The following ANO6 variants were observed in gnomAD, a reference collection of about 807,000 sequenced individuals.
ANO6 encodes anoctamin-6.
A neutral mutation model predicts 117.5 loss-of-function variants in ANO6; 106 were observed. The ratio of observed to expected loss-of-function variants is 0.90; its 90% CI spans 0.77 to 1.06. The LOEUF (loss-of-function observed/expected upper bound fraction) is 1.06, where lower values mean the gene tolerates loss of function less well. Among genes scored for constraint, ANO6 ranks in the 50% least tolerant of loss-of-function variants. ANO6 has a pLI of 0.00. For missense variants in ANO6, 955 were observed against 1,121.1 expected (o/e 0.85, Z 2.12); for synonymous variants, 367 against 385.1 (o/e 0.95, Z 0.55).
intron 9 of ANO6, among the ~76,000 whole-genome samples, chr12:45,377,562 A>T (rs1942061475): frequency 6.6e-6 from 1 of 152,220 alleles, no homozygotes; most frequent in South Asian, 2.1e-4. Context: ...ACTTCGAGAT[A>T]AACCTCAGCT....
chr12:45,239,320 A>G (rs1246899667), intron 1 of ANO6, among the ~76,000 whole-genome samples: 1 of 152,066 alleles, frequency 6.6e-6, no homozygotes, highest in African/African-American at 2.4e-5. Flanking sequence ...TTTCTAGTTT[A>G]TTTGTGTGGG....
chr12:45,247,220 C>G (rs1419808205), intron 1 of ANO6, among the ~76,000 whole-genome samples: 1 of 152,180 alleles, frequency 6.6e-6, no homozygotes, highest in African/African-American at 2.4e-5. Context: ...AGCCACCATG[C>G]CTGGCAGTTC....
At chr12:45,363,573 A>T (rs1941610562) in intron 8 of ANO6, among the ~76,000 whole-genome samples, 1 of 151,994 alleles carries the variant, frequency 6.6e-6, no homozygotes, top group African/African-American at 2.4e-5. Context: ...CAAAAAAAAA[A>T]AAAAGAAAAA....
downstream of ANO6, among the ~76,000 whole-genome samples, chr12:45,435,149 T>G (rs1430736891): frequency 6.6e-6 from 1 of 152,232 alleles, no homozygotes; most frequent in African/African-American, 2.4e-5. Flanking sequence ...GGATGTCTCC[T>G]CAGAGCTTTT....
chr12:45,257,951 AG>A (rs1416308780), intron 1 of ANO6, among the ~76,000 whole-genome samples: 2 of 152,164 alleles, frequency 1.3e-5, no homozygotes, highest in Admixed American at 1.3e-4. Flanking sequence ...GTTTATTTTT[AG>A]GTTTATCACA....
chr12:45,219,827 A>C (rs1016235650), intron 1 of ANO6, among the ~76,000 whole-genome samples: 4 of 152,192 alleles, frequency 2.6e-5, no homozygotes, highest in Non-Finnish European at 4.4e-5. Context: ...GCAATAGGCC[A>C]CTTATTTCTA....
intron 5 of ANO6, 79 bp downstream of exon 5, chr12:45,348,394 A>G: frequency 1.3e-6 from 2 of 1,597,266 alleles, no homozygotes; most frequent in Non-Finnish European, 8.6e-7. Context: ...GTTTGGTTTT[A>G]TTTTTAAAAA....
At chr12:45,436,015 A>G (rs956856604), downstream of ANO6, among the ~76,000 whole-genome samples, 1 of 152,190 alleles carries the variant, frequency 6.6e-6, no homozygotes, top group Non-Finnish European at 1.5e-5. Flanking sequence ...CCAGCCTACT[A>G]TAAGTCAGAC....
chr12:45,393,296 GA>G (rs774368939), intron 12 of ANO6, among the ~76,000 whole-genome samples: 34 of 151,998 alleles, frequency 2.2e-4, no homozygotes, highest in Non-Finnish European at 4.6e-4. Context: ...AAGGTTAGAG[GA>G]AAAAGTAAAA....
intron 1 of ANO6, among the ~76,000 whole-genome samples, chr12:45,219,543 A>G (rs989356990): frequency 1.5e-5 from 2 of 134,296 alleles, no homozygotes; most frequent in African/African-American, 5.7e-5. Context: ...ACAAGGTCTC[A>G]CTGTTGCCCA....
At chr12:45,415,695 T>C (rs1943196332) in intron 16 of ANO6, among the ~76,000 whole-genome samples, 1 of 152,220 alleles carries the variant, frequency 6.6e-6, no homozygotes, top group Non-Finnish European at 1.5e-5. Context: ...CCCTGTCTGC[T>C]CTTCTGCAAC....
intron 1 of ANO6, among the ~76,000 whole-genome samples, chr12:45,246,277 C>G (rs1947824014): frequency 6.6e-6 from 1 of 152,106 alleles, no homozygotes; most frequent in Admixed American, 6.6e-5. Flanking sequence ...CAGTTTGGAG[C>G]CAATGAGTAA....
At chr12:45,227,951 T>C (rs754771931) in intron 1 of ANO6, among the ~76,000 whole-genome samples, 2 of 152,170 alleles carry the variant, frequency 1.3e-5, no homozygotes, top group Non-Finnish European at 2.9e-5. Flanking sequence ...ACTGACAATA[T>C]TCTGTTGATG....
intron 6 of ANO6, among the ~76,000 whole-genome samples, chr12:45,349,017 T>A (rs1479340193): frequency 6.6e-6 from 1 of 152,204 alleles, no homozygotes; most frequent in East Asian, 1.9e-4. Flanking sequence ...AAGCTGGGGA[T>A]AAATTATTAC....
intron 12 of ANO6, among the ~76,000 whole-genome samples, chr12:45,395,030 C>G: frequency 6.6e-6 from 1 of 152,080 alleles, no homozygotes; most frequent in Non-Finnish European, 1.5e-5. Flanking sequence ...AAAAACCCTT[C>G]AAAAAATCAG....
At chr12:45,329,994 T>A (rs879778524) in intron 2 of ANO6, among the ~76,000 whole-genome samples, 5 of 152,116 alleles carry the variant, frequency 3.3e-5, no homozygotes, top group Non-Finnish European at 7.4e-5. Context: ...GCCTAAGACA[T>A]GGATGTGTCT....
At chr12:45,283,478 T>A (rs1938808482) in intron 1 of ANO6, among the ~76,000 whole-genome samples, 1 of 152,208 alleles carries the variant, frequency 6.6e-6, no homozygotes, top group Non-Finnish European at 1.5e-5. Context: ...GTTACTGCTG[T>A]ATTTCCAGAG....
At chr12:45,421,417 C>A in intron 18 of ANO6, 144 bp downstream of exon 18, 1 of 867,460 alleles carries the variant, frequency 1.2e-6, no homozygotes, top group South Asian at 1.5e-5. Context: ...TCATTTAAAT[C>A]AAGCTGCTAG....
intron 11 of ANO6, 74 bp downstream of exon 11, chr12:45,388,377 A>G: frequency 1.9e-6 from 3 of 1,587,838 alleles, no homozygotes; most frequent in Non-Finnish European, 2.6e-6. Flanking sequence ...GCACATTAGA[A>G]TCACTTGGGG....
Sources: gnomAD v4.1 joint callset for allele counts (sites outside exome capture counted in the v4.1 genomes callset) on GRCh38, gnomAD v4.1.1 for gene constraint, MANE v1.5 for transcripts, NCBI Gene and HGNC (gene_info 2026-07-23, HGNC 2026-07-21) for gene names.